The following EPHA3 variants were observed in gnomAD, a reference collection of about 807,000 sequenced individuals.
EPHA3 encodes ephrin type-A receptor 3.
A neutral mutation model predicts 107.1 loss-of-function variants in EPHA3; 42 were observed. That is an observed-to-expected ratio of 0.39 (90% CI 0.31 to 0.51). The LOEUF is 0.51. EPHA3 is among the 20% of genes least tolerant of loss of function. The probability of loss-of-function intolerance (pLI) is 0.78; values close to 1 mark genes in which losing one functional copy is unlikely to be tolerated. For synonymous variants in EPHA3, 461 were observed against 424.8 expected, an observed-to-expected ratio of 1.09 and a Z score of -1.05; for missense variants, 1,183 against 1,211.2, an observed-to-expected ratio of 0.98 and a Z score of 0.35.
chr3:89,220,565 G>C (rs1704348679), intron 3 of EPHA3, among the ~76,000 whole-genome samples: 1 of 152,138 alleles, frequency 6.6e-6, no homozygotes, highest in African/African-American at 2.4e-5. Flanking sequence ...TGCGAATGGA[G>C]TAATAAAAGA....
intron 5 of EPHA3, among the ~76,000 whole-genome samples, chr3:89,350,017 T>C (rs1382351457): frequency 6.6e-6 from 1 of 150,538 alleles, no homozygotes; most frequent in Non-Finnish European, 1.5e-5. Flanking sequence ...CCTTTGAGGG[T>C]AACCTGACCT....
At chr3:89,307,227 T>C (rs1430926337) in intron 3 of EPHA3, among the ~76,000 whole-genome samples, 1 of 152,170 alleles carries the variant, frequency 6.6e-6, no homozygotes, top group African/African-American at 2.4e-5. Context: ...CTTGAATGTT[T>C]TCAAGAAGGA....
chr3:89,420,057 C>T (rs1342613330), intron 11 of EPHA3, among the ~76,000 whole-genome samples: 3 of 151,264 alleles, frequency 2.0e-5, no homozygotes, highest in South Asian at 2.1e-4. Context: ...TCCTGTGAGG[C>T]GGATCTGTGA....
chr3:89,380,475 G>T (rs1391497241), intron 5 of EPHA3, among the ~76,000 whole-genome samples: 1 of 152,026 alleles, frequency 6.6e-6, no homozygotes, highest in South Asian at 2.1e-4. Context: ...TGTGTATGAC[G>T]CCTTTGATAA....
intron 16 of EPHA3, among the ~76,000 whole-genome samples, chr3:89,478,418 T>G (rs1254585738): frequency 1.3e-5 from 2 of 152,194 alleles, no homozygotes; most frequent in Non-Finnish European, 1.5e-5. Flanking sequence ...TGATTCTTTG[T>G]GCTCTGAGGT....
At chr3:89,380,194 T>C (rs1334158469) in intron 5 of EPHA3, among the ~76,000 whole-genome samples, 1 of 152,204 alleles carries the variant, frequency 6.6e-6, no homozygotes. Context: ...TCATGAGTCA[T>C]ATAACAATGT....
chr3:89,471,968 T>C (rs1455836444), intron 15 of EPHA3, among the ~76,000 whole-genome samples: 1 of 152,162 alleles, frequency 6.6e-6, no homozygotes, highest in African/African-American at 2.4e-5. Context: ...TGAGTTTATG[T>C]CCTGCTGTGA....
intron 7 of EPHA3, chr3:89,400,369 A>G (rs1222627217): frequency 1.3e-5 from 2 of 153,452 alleles, no homozygotes; most frequent in Non-Finnish European, 2.9e-5. Context: ...TGCCCGGCTA[A>G]TTTTTTGTAT....
At chr3:89,246,399 T>A (rs1324608513) in intron 3 of EPHA3, among the ~76,000 whole-genome samples, 3 of 151,824 alleles carry the variant, frequency 2.0e-5, no homozygotes, top group African/African-American at 7.3e-5. Flanking sequence ...AAAAGTAAGT[T>A]TAAAAAGTTA....
At chr3:89,269,377 G>A (rs992159608) in intron 3 of EPHA3, among the ~76,000 whole-genome samples, 2 of 151,952 alleles carry the variant, frequency 1.3e-5, no homozygotes, top group African/African-American at 4.8e-5. Flanking sequence ...GCAAATCCTT[G>A]GTTCCTACCC....
At chr3:89,423,826 G>A (rs1288868644) in intron 11 of EPHA3, among the ~76,000 whole-genome samples, 1 of 151,328 alleles carries the variant, frequency 6.6e-6, no homozygotes, top group Non-Finnish European at 1.5e-5. Flanking sequence ...TATATGTATA[G>A]GATGGTTTTC....
intron 3 of EPHA3, among the ~76,000 whole-genome samples, chr3:89,339,370 C>CA (rs10575384): frequency 0.31 from 33,424 of 106,140 alleles, 4,756 homozygotes; most frequent in South Asian, 0.4. Context: ...GACTCCATCT[C>CA]AAAAAAAAAA....
At chr3:89,471,647 A>G (rs1379102949) in intron 15 of EPHA3, among the ~76,000 whole-genome samples, 2 of 152,090 alleles carry the variant, frequency 1.3e-5, no homozygotes, top group Non-Finnish European at 2.9e-5. Context: ...TACAGGAGTG[A>G]GCCACTGCGC....
intron 2 of EPHA3, among the ~76,000 whole-genome samples, chr3:89,144,592 C>A (rs376546425): frequency 5.9e-5 from 9 of 151,760 alleles, no homozygotes; most frequent in Non-Finnish European, 1.2e-4. Context: ...ACTTTCATTT[C>A]TTTTCATATT....
At chr3:89,144,733 G>C (rs147305710) in intron 2 of EPHA3, among the ~76,000 whole-genome samples, 1 of 151,598 alleles carries the variant, frequency 6.6e-6, no homozygotes, top group Non-Finnish European at 1.5e-5. Context: ...AACACTCTGT[G>C]GTTGTGTTTT....
At chr3:89,393,666 T>G (rs1209123587) in intron 5 of EPHA3, among the ~76,000 whole-genome samples, 3 of 152,320 alleles carry the variant, frequency 2.0e-5, no homozygotes, top group African/African-American at 4.8e-5. Context: ...AATTAGTAGA[T>G]TTCCTCATTG....
intron 8 of EPHA3, among the ~76,000 whole-genome samples, 193 bp downstream of exon 8, chr3:89,407,564 CATT>C (rs1709079539): frequency 6.6e-6 from 1 of 152,112 alleles, no homozygotes; most frequent in East Asian, 1.9e-4. Context: ...TTCTGCTCTA[CATT>C]AAATTCCTGT....
At chr3:89,200,867 A>G (rs1705952280) in intron 2 of EPHA3, among the ~76,000 whole-genome samples, 1 of 152,024 alleles carries the variant, frequency 6.6e-6, no homozygotes, top group South Asian at 2.1e-4. Context: ...CTGAGTGAGT[A>G]TGGTCTGTGT....
chr3:89,115,201 G>C (rs1324075778), intron 1 of EPHA3, among the ~76,000 whole-genome samples: 1 of 151,550 alleles, frequency 6.6e-6, no homozygotes, highest in African/African-American at 2.4e-5. Flanking sequence ...TTCATCTTTT[G>C]GGCATTCAAC....
Sources: gnomAD v4.1 joint callset for allele counts (sites outside exome capture counted in the v4.1 genomes callset) on GRCh38, gnomAD v4.1.1 for gene constraint, MANE v1.5 for transcripts, NCBI Gene and HGNC (gene_info 2026-07-23, HGNC 2026-07-21) for gene names.